CAST: variants seen among roughly 807,000 people sequenced by gnomAD.
CAST encodes the protein calpastatin.
A neutral mutation model predicts 119.6 loss-of-function variants in CAST; 76 were observed. The ratio of observed to expected loss-of-function variants is 0.64; its 90% CI spans 0.53 to 0.77. The LOEUF (loss-of-function observed/expected upper bound fraction) is 0.77. Among genes scored for constraint, CAST ranks in the 30% least tolerant of loss-of-function variants. The pLI is 0.00. For synonymous variants in CAST, 319 were observed against 331.6 expected (o/e 0.96, Z 0.41); for missense variants, 953 against 946.5 (o/e 1.01, Z -0.09).
chr5:96,239,809 T>A, the CAST span, among the ~76,000 whole-genome samples: 1 of 152,124 alleles, frequency 6.6e-6, no homozygotes, highest in Non-Finnish European at 1.5e-5. Flanking sequence ...CTTTTAAGTA[T>A]ATTCTTCACA....
chr5:96,470,021 T>C, the CAST span, among the ~76,000 whole-genome samples: 1 of 151,522 alleles, frequency 6.6e-6, no homozygotes, highest in African/African-American at 2.4e-5. Flanking sequence ...AATAAATTAA[T>C]GTTATATCTA....
the CAST span, chr5:96,395,144 A>T: frequency 1.2e-6 from 1 of 860,914 alleles, no homozygotes. Context: ...TGTGCATTTC[A>T]TGTGAAAGAA....
chr5:96,281,878 AAG>A, the CAST span, among the ~76,000 whole-genome samples: 648 of 152,320 alleles, frequency 4.3e-3, 4 homozygotes, highest in African/African-American at 0.014. Context: ...TTGTGAAAAA[AAG>A]AGGGAACAGA....
At chr5:96,288,195 C>T in the CAST span, among the ~76,000 whole-genome samples, 1 of 152,120 alleles carries the variant, frequency 6.6e-6, no homozygotes, top group Non-Finnish European at 1.5e-5. Flanking sequence ...GTAAATTTCA[C>T]TTTTATGTCT....
At chr5:96,390,352 CT>C in the CAST span, 1 of 152,072 alleles carries the variant, frequency 6.6e-6, no homozygotes, top group South Asian at 2.1e-4. Context: ...GAAACATGAG[CT>C]TTTTTTCTTT....
the CAST span, among the ~76,000 whole-genome samples, chr5:96,237,639 ATCT>A: frequency 6.6e-6 from 1 of 152,082 alleles, no homozygotes; most frequent in Non-Finnish European, 1.5e-5. Flanking sequence ...GTTTGTCTAT[ATCT>A]TCTTAATTTG....
chr5:96,366,603 C>T, the CAST span, among the ~76,000 whole-genome samples: 1 of 152,226 alleles, frequency 6.6e-6, no homozygotes, highest in Non-Finnish European at 1.5e-5. Flanking sequence ...GATACCCTTT[C>T]TTCCAGTTGA....
chr5:96,409,902 G>A, the CAST span, among the ~76,000 whole-genome samples: 30 of 152,268 alleles, frequency 2.0e-4, 2 homozygotes, highest in African/African-American at 7.2e-4. Context: ...GAAGATGTTC[G>A]TGTTGACAAT....
chr5:96,036,272 T>C, the CAST span, among the ~76,000 whole-genome samples: 2 of 152,162 alleles, frequency 1.3e-5, no homozygotes, highest in Middle Eastern at 3.4e-3. Flanking sequence ...CAGTAAACAC[T>C]TTTTTAAAAA....
the CAST span, among the ~76,000 whole-genome samples, chr5:96,099,136 G>A: frequency 3.0e-4 from 45 of 152,274 alleles, no homozygotes; most frequent in African/African-American, 9.9e-4. Flanking sequence ...ACTGTTGTTG[G>A]TGTATAGGAG....
chr5:96,250,048 G>C, the CAST span, among the ~76,000 whole-genome samples: 3 of 152,088 alleles, frequency 2.0e-5, no homozygotes, highest in Non-Finnish European at 4.4e-5. Context: ...TTACATATCT[G>C]AATATAGCTA....
chr5:96,073,956 C>T, the CAST span, among the ~76,000 whole-genome samples: 3 of 152,170 alleles, frequency 2.0e-5, no homozygotes, highest in African/African-American at 4.8e-5. Context: ...TCCTCCCACC[C>T]CTGCCCCCAT....
intron 1 of CAST, among the ~76,000 whole-genome samples, chr5:96,532,866 T>C (rs1040978653): frequency 1.3e-5 from 2 of 151,254 alleles, no homozygotes; most frequent in Non-Finnish European, 2.9e-5. Flanking sequence ...AAATTGTTTT[T>C]AATTAAAAAA....
Position 96,729,140 on chromosome 5 carries a change from T to C in CAST, c.379-13T>C, listed in dbSNP as rs1759933561. 6.5e-7 allele frequency: 1 copy of C among 1,545,880 alleles called. No homozygotes were observed. Among genetic ancestry groups the C allele is most frequent in the East Asian group, 2.3e-5 (1 of 44,298 alleles). On this transcript the variant is annotated splice_polypyrimidine_tract_variant and intron_variant, in intron 6 of 31. Coordinates refer to ENST00000675179, the MANE Select transcript of CAST (RefSeq NM_001750.7). ...TTCCAGTGTAATCAAGTTTAATCTT[T>C]TGAAATTGACAGCTGTCTGTGGTTC...
the CAST span, among the ~76,000 whole-genome samples, chr5:96,138,231 A>G: frequency 0.016 from 2,432 of 152,002 alleles, 51 homozygotes; most frequent in African/African-American, 0.055. Context: ...TTTCAGCACC[A>G]TTTATTGAAA....
intron 1 of CAST, among the ~76,000 whole-genome samples, chr5:96,607,863 G>A (rs1449782557): frequency 2.6e-5 from 4 of 152,062 alleles, no homozygotes; most frequent in Admixed American, 2.6e-4. Context: ...TTGAACATAT[G>A]GGGTACATTG....
chr5:96,694,717 C>T (rs1056390638), intron 2 of CAST, among the ~76,000 whole-genome samples: 1 of 152,152 alleles, frequency 6.6e-6, no homozygotes, highest in African/African-American at 2.4e-5. Flanking sequence ...GAAAGAGATA[C>T]AGGATATGAA....
At chr5:96,427,020 C>T in the CAST span, among the ~76,000 whole-genome samples, 2 of 152,168 alleles carry the variant, frequency 1.3e-5, no homozygotes, top group African/African-American at 2.4e-5. Flanking sequence ...TGGAATGCTG[C>T]CTATCATCTG....
chr5:96,147,878 TA>T, the CAST span, among the ~76,000 whole-genome samples: 3 of 152,116 alleles, frequency 2.0e-5, no homozygotes, highest in Non-Finnish European at 2.9e-5. Flanking sequence ...TTTTTGAAAA[TA>T]AAAAAAGAAA....
Sources: gnomAD v4.1 joint callset for allele counts (sites outside exome capture counted in the v4.1 genomes callset) on GRCh38, gnomAD v4.1.1 for gene constraint, MANE v1.5 for transcripts, NCBI Gene and HGNC (gene_info 2026-07-23, HGNC 2026-07-21) for gene names.